Variants in PRKCZ observed in about 807,000 individuals in gnomAD.
The protein encoded by PRKCZ is protein kinase C zeta.
PRKCZ carries 33 observed loss-of-function variants against 79.5 expected under a neutral mutation model. The observed-to-expected ratio is 0.41, with a 90% CI of 0.31 to 0.55. The LOEUF (loss-of-function observed/expected upper bound fraction) is 0.55, where lower values mean the gene tolerates loss of function less well. Ranked by LOEUF, PRKCZ falls within the 20% of genes least tolerant of loss-of-function variation. The pLI is 0.19. For missense variants in PRKCZ, 578 were observed against 813.5 expected, an observed-to-expected ratio of 0.71 and a Z score of 3.52; for synonymous variants, 342 against 320.9, an observed-to-expected ratio of 1.07 and a Z score of -0.70.
At chr1:2,077,410 G>A (rs1275291948) in intron 4 of PRKCZ, among the ~76,000 whole-genome samples, 1 of 152,198 alleles carries the variant, frequency 6.6e-6, no homozygotes, top group African/African-American at 2.4e-5. Context: ...GCCGCATCGT[G>A]GGCCCAGATG....
chr1:2,136,747 C>A (rs78152935), intron 5 of PRKCZ, among the ~76,000 whole-genome samples: 3,520 of 152,176 alleles, frequency 0.023, 122 homozygotes, highest in East Asian at 0.08. Context: ...GAGATCCCGT[C>A]CGCACCCCAG....
chr1:2,059,375 A>T (rs1490205423), intron 3 of PRKCZ, among the ~76,000 whole-genome samples, 166 bp from the exon 4 acceptor site: 1 of 152,202 alleles, frequency 6.6e-6, no homozygotes, highest in African/African-American at 2.4e-5. Flanking sequence ...GCCTACGTAG[A>T]CGCACGGGGT....
intron 4 of PRKCZ, among the ~76,000 whole-genome samples, chr1:2,062,180 C>T (rs1660734805): frequency 6.6e-6 from 1 of 152,218 alleles, no homozygotes; most frequent in African/African-American, 2.4e-5. Flanking sequence ...CTAAAGTATA[C>T]TTACAACTAT....
intron 4 of PRKCZ, 117 bp from the exon 5 acceptor site, chr1:2,135,145 C>T: frequency 1.2e-6 from 1 of 814,540 alleles, no homozygotes; most frequent in East Asian, 2.7e-5. Context: ...GCCTTCCCTG[C>T]CTGGGAGGAC....
At chr1:2,065,672 C>CT (rs1451167546) in intron 4 of PRKCZ, among the ~76,000 whole-genome samples, 1 of 126,258 alleles carries the variant, frequency 7.9e-6, no homozygotes, top group African/African-American at 3.2e-5. Flanking sequence ...GAGCCAGACT[C>CT]TGTCTCAAAA....
intron 8 of PRKCZ, among the ~76,000 whole-genome samples, chr1:2,150,045 C>T (rs1049816281): frequency 6.6e-6 from 1 of 151,182 alleles, no homozygotes; most frequent in Admixed American, 6.6e-5. Context: ...GCCTGTAGTC[C>T]CAGCTACTGG....
At chr1:2,113,349 T>C (rs1571485411) in intron 4 of PRKCZ, among the ~76,000 whole-genome samples, 1 of 152,150 alleles carries the variant, frequency 6.6e-6, no homozygotes, top group African/African-American at 2.4e-5. Context: ...GATCGCCAAG[T>C]ATGTGCTCCT....
intron 9 of PRKCZ, among the ~76,000 whole-genome samples, chr1:2,155,399 G>A (rs971777656): frequency 6.6e-6 from 1 of 152,032 alleles, no homozygotes; most frequent in Non-Finnish European, 1.5e-5. Context: ...AGATGGTGAT[G>A]ACGGTGATGA....
At chr1:2,135,021 A>T (rs772329683) in intron 4 of PRKCZ, 4 of 400,862 alleles carry the variant, frequency 1.0e-5, no homozygotes, top group Non-Finnish European at 1.8e-5. Flanking sequence ...CTGCGAGGAC[A>T]CCTGGCTCCA....
intron 10 of PRKCZ, among the ~76,000 whole-genome samples, chr1:2,159,439 T>C (rs547417347): frequency 1.2e-4 from 18 of 152,180 alleles, no homozygotes; most frequent in Non-Finnish European, 2.2e-4. Flanking sequence ...GCCAGGTGAA[T>C]AACACGCAGA....
At chr1:2,152,951 G>A (rs761794726) in intron 9 of PRKCZ, among the ~76,000 whole-genome samples, 4 of 152,236 alleles carry the variant, frequency 2.6e-5, no homozygotes, top group South Asian at 2.1e-4. Flanking sequence ...GTGAAGGTTC[G>A]CGTACAAGAA....
chr1:2,077,090 G>A (rs1257376039), intron 4 of PRKCZ, among the ~76,000 whole-genome samples: 2 of 152,184 alleles, frequency 1.3e-5, no homozygotes, highest in African/African-American at 4.8e-5. Flanking sequence ...AAGTTGACAC[G>A]AACAGATCCC....
chr1:2,117,714 G>T (rs942040522), intron 4 of PRKCZ, among the ~76,000 whole-genome samples: 2 of 152,132 alleles, frequency 1.3e-5, no homozygotes, highest in African/African-American at 2.4e-5. Context: ...AATTAAAGAG[G>T]TTCTATTTTA....
intron 4 of PRKCZ, among the ~76,000 whole-genome samples, chr1:2,085,117 G>A (rs1228427647): frequency 6.6e-6 from 1 of 152,122 alleles, no homozygotes; most frequent in African/African-American, 2.4e-5. Context: ...GTGGCTCTGC[G>A]GGTAGGGGGC....
At chr1:2,069,091 G>A (rs1333166517) in intron 4 of PRKCZ, among the ~76,000 whole-genome samples, 2 of 152,214 alleles carry the variant, frequency 1.3e-5, no homozygotes, top group Non-Finnish European at 2.9e-5. Context: ...CTTGAACGGC[G>A]TCCGTTCTGC....
At chr1:2,096,834 A>G (rs3107134) in intron 4 of PRKCZ, among the ~76,000 whole-genome samples, 5,667 of 152,224 alleles carry the variant, frequency 0.037, 351 homozygotes, top group African/African-American at 0.12. Flanking sequence ...CTCTGCAACA[A>G]ATCTCCAGCC....
rs935340148 is a variant in PRKCZ, at chr1:2,128,391, C to T, written c.335-6871C>T. On this transcript the variant is annotated intron_variant, in intron 4 of 17. Coordinates refer to ENST00000378567, the MANE Select transcript of PRKCZ (RefSeq NM_002744.6). The surrounding 1 kb of genome is among the most constrained non-coding windows in gnomAD (Gnocchi z 6.5). ...GACTCGGCCCCTCCCTCACCGCCAC[C>T]GCACCCAAGGGCTGTCGCCTGTCCC... 8.5e-5 allele frequency among the ~76,000 whole-genome samples: 13 copies of T among 152,376 alleles called. No individual in the cohort carries two copies. The highest frequency in any genetic ancestry group is 5.8e-4 in the East Asian group (3 of 5,190).
chr1:2,104,781 C>G, intron 4 of PRKCZ: 1 of 985,940 alleles, frequency 1.0e-6, no homozygotes, highest in Non-Finnish European at 1.2e-6. Flanking sequence ...ACTGCTGCCC[C>G]CCGGGGCCGA....
chr1:2,164,301 G>GGGCCA (rs1682908376), intron 10 of PRKCZ, among the ~76,000 whole-genome samples: 1 of 151,660 alleles, frequency 6.6e-6, no homozygotes, highest in Non-Finnish European at 1.5e-5. Flanking sequence ...GAGAGACAGG[G>GGGCCA]ACCCTTTATT....
Sources: gnomAD v4.1 joint callset for allele counts (sites outside exome capture counted in the v4.1 genomes callset) on GRCh38, gnomAD v4.1.1 for gene constraint, Gnocchi (gnomAD v3.1) non-coding constraint, MANE v1.5 for transcripts, NCBI Gene and HGNC (gene_info 2026-07-23, HGNC 2026-07-21) for gene names.